CSMD1: variants seen among roughly 807,000 people sequenced by gnomAD.
The protein encoded by CSMD1 is CUB and sushi domain-containing protein 1.
Under a neutral mutation model 417.5 loss-of-function variants are expected in CSMD1, and 213 were observed. The ratio of observed to expected loss-of-function variants is 0.51; its 90% confidence interval spans 0.46 to 0.57. The LOEUF is 0.57. Among genes scored for constraint, CSMD1 ranks in the 20% least tolerant of loss-of-function variants. The pLI is 0.00. For synonymous variants in CSMD1, 2,862 were observed against 1,736.8 expected, an observed-to-expected ratio of 1.65 and a Z score of -16.11; for missense variants, 6,923 against 4,529.7, an observed-to-expected ratio of 1.53 and a Z score of -15.17.
intron 11 of CSMD1, among the ~76,000 whole-genome samples, chr8:3,469,903 C>A (rs193191660): frequency 1.3e-5 from 2 of 152,298 alleles, no homozygotes; most frequent in African/African-American, 4.8e-5. Flanking sequence ...GATTTGTCTT[C>A]GTTGGCAACA....
At chr8:4,745,417 C>G (rs1465441860) in intron 1 of CSMD1, among the ~76,000 whole-genome samples, 1 of 152,138 alleles carries the variant, frequency 6.6e-6, no homozygotes, top group African/African-American at 2.4e-5. Flanking sequence ...ATGTAGCTCT[C>G]AAAGAATGAC....
chr8:3,120,719 C>T (rs919113560), intron 41 of CSMD1, among the ~76,000 whole-genome samples: 1 of 151,720 alleles, frequency 6.6e-6, no homozygotes, highest in African/African-American at 2.4e-5. Flanking sequence ...GGGTGACCGG[C>T]ACCTGTAATC....
At chr8:4,164,636 T>C (rs117990978) in intron 3 of CSMD1, among the ~76,000 whole-genome samples, 274 of 152,274 alleles carry the variant, frequency 1.8e-3, no homozygotes, top group East Asian at 6.4e-3. Flanking sequence ...ACTTCTGTGA[T>C]TGAGTCCCTC....
At chr8:4,802,938 T>C (rs976063493) in intron 1 of CSMD1, among the ~76,000 whole-genome samples, 3 of 152,192 alleles carry the variant, frequency 2.0e-5, no homozygotes, top group Non-Finnish European at 4.4e-5. Flanking sequence ...AATAAAGTGA[T>C]CTTAGTGCTG....
chr8:3,940,531 G>C (rs950821760), intron 5 of CSMD1, among the ~76,000 whole-genome samples: 1 of 148,842 alleles, frequency 6.7e-6, no homozygotes, highest in East Asian at 2.0e-4. Context: ...GTGTGTGTGT[G>C]TGTGTATGTA....
intron 1 of CSMD1, among the ~76,000 whole-genome samples, chr8:4,976,374 T>C (rs1466004207): frequency 4.6e-5 from 7 of 152,240 alleles, no homozygotes; most frequent in Admixed American, 1.3e-4. Context: ...ATCTTATCTA[T>C]TTACATACTA....
At position 4,418,382 on chromosome 8, in the gene CSMD1, G is replaced by A. The variant is rs1797064408; in HGVS notation, c.415+1571C>T. Among the ~76,000 whole-genome samples, 4 of 152,118 alleles carry A rather than the reference G, an allele frequency of 2.6e-5. No individual in the cohort carries two copies. In the South Asian group the frequency reaches 8.3e-4, roughly 32 times the overall value. On this transcript the variant is annotated intron_variant, in intron 3 of 69. Coordinates refer to ENST00000635120, the MANE Select transcript of CSMD1 (RefSeq NM_033225.6). ...CTTCATTATACCATCATGACCACCAGTAAACCCAGAAATAGCCCAGAAATA... is the reference window on the plus strand; with the variant it reads ...CTTCATTATACCATCATGACCACCAATAAACCCAGAAATAGCCCAGAAATA...
chr8:3,899,126 T>G (rs114860105), intron 5 of CSMD1, among the ~76,000 whole-genome samples: 1,653 of 152,290 alleles, frequency 0.011, 27 homozygotes, highest in African/African-American at 0.037. Flanking sequence ...ACTGGCGCCA[T>G]GTTAGGTAAC....
At chr8:3,185,634 G>C (rs1230472970) in intron 36 of CSMD1, among the ~76,000 whole-genome samples, 3 of 152,148 alleles carry the variant, frequency 2.0e-5, no homozygotes, top group Non-Finnish European at 4.4e-5. Context: ...GTTACTCGAG[G>C]GAAGGCTTAA....
At chr8:3,252,088 C>A (rs1037328758) in intron 26 of CSMD1, among the ~76,000 whole-genome samples, 11 of 152,326 alleles carry the variant, frequency 7.2e-5, no homozygotes, top group African/African-American at 2.6e-4. Flanking sequence ...GCCAGAACTT[C>A]CAACACTATG....
chr8:4,386,806 T>C (rs922193781), intron 3 of CSMD1, among the ~76,000 whole-genome samples: 5 of 152,188 alleles, frequency 3.3e-5, no homozygotes, highest in Non-Finnish European at 7.3e-5. Context: ...AAAAATATTC[T>C]GGGCTCTTGG....
intron 11 of CSMD1, among the ~76,000 whole-genome samples, chr8:3,475,449 G>A (rs996348087): frequency 3.3e-5 from 5 of 152,164 alleles, no homozygotes; most frequent in African/African-American, 1.2e-4. Context: ...AAATAATGAT[G>A]TAAATCTTAG....
intron 3 of CSMD1, among the ~76,000 whole-genome samples, chr8:4,047,511 G>T (rs1316853265): frequency 1.4e-5 from 2 of 142,066 alleles, no homozygotes; most frequent in African/African-American, 5.1e-5. Context: ...AGGCAACATT[G>T]TGATATGTCA....
intron 9 of CSMD1, among the ~76,000 whole-genome samples, chr8:3,585,195 C>T (rs1463412060): frequency 5.3e-5 from 8 of 152,112 alleles, no homozygotes; most frequent in African/African-American, 9.7e-5. Flanking sequence ...GCTTAGAGGA[C>T]GATAGTGACG....
intron 45 of CSMD1, 140 bp downstream of exon 45, chr8:3,107,578 A>C (rs1585367228): frequency 1.8e-6 from 1 of 554,162 alleles, no homozygotes; most frequent in East Asian, 3.3e-5. Context: ...GCAATACTTT[A>C]AGGATAGTTT....
intron 3 of CSMD1, among the ~76,000 whole-genome samples, chr8:4,135,073 T>C (rs2552165): frequency 0.18 from 27,712 of 152,050 alleles, 2,717 homozygotes; most frequent in East Asian, 0.31. Context: ...TGAGTTCACA[T>C]AGAATGAAAA....
intron 5 of CSMD1, among the ~76,000 whole-genome samples, chr8:3,937,198 T>C (rs11987661): frequency 0.34 from 52,406 of 152,022 alleles, 9,349 homozygotes; most frequent in African/African-American, 0.45. Context: ...GTGAACATTG[T>C]TGAAATGACA....
intron 5 of CSMD1, among the ~76,000 whole-genome samples, chr8:3,822,897 C>A (rs1330804361): frequency 1.3e-5 from 2 of 152,074 alleles, no homozygotes; most frequent in Non-Finnish European, 2.9e-5. Flanking sequence ...ACCAGAGTAA[C>A]TCACTGTGCA....
At chr8:4,461,738 C>CT (rs1491126522) in intron 2 of CSMD1, among the ~76,000 whole-genome samples, 1,956 of 83,838 alleles carry the variant, frequency 0.023, 54 homozygotes, top group African/African-American at 0.075. Flanking sequence ...TATTTATTTA[C>CT]TTATTTTTTT....
Sources: allele counts gnomAD v4.1 joint callset (sites outside exome capture counted in the v4.1 genomes callset), GRCh38; gene constraint gnomAD v4.1.1; transcripts MANE v1.5; gene names NCBI Gene and HGNC (gene_info 2026-07-23, HGNC 2026-07-21).